Variants in NRXN3 observed in about 807,000 individuals in gnomAD.
NRXN3 encodes the protein neurexin III.
Under a neutral mutation model 137.6 loss-of-function variants are expected in NRXN3, and 32 were observed. That is an observed-to-expected ratio of 0.23 (90% CI 0.18 to 0.31). The LOEUF (loss-of-function observed/expected upper bound fraction) is 0.31. Among genes scored for constraint, NRXN3 ranks in the 10% least tolerant of loss-of-function variants. The probability of loss-of-function intolerance (pLI) is 1.00; values close to 1 mark genes in which losing one functional copy is unlikely to be tolerated. For missense variants in NRXN3, 1,574 were observed against 2,062.5 expected (o/e 0.76, Z 4.59); for synonymous variants, 798 against 784.5 (o/e 1.02, Z -0.29).
At chr14:79,069,881 G>A (rs987173386) in intron 15 of NRXN3, among the ~76,000 whole-genome samples, 3 of 152,118 alleles carry the variant, frequency 2.0e-5, no homozygotes, top group African/African-American at 7.2e-5. Context: ...TTCTGTACCT[G>A]TGTTTGGAGT....
intron 16 of NRXN3, among the ~76,000 whole-genome samples, chr14:79,567,238 A>C (rs1333369696): frequency 6.6e-6 from 1 of 151,990 alleles, no homozygotes; most frequent in Non-Finnish European, 1.5e-5. Context: ...CTTGTGTTCA[A>C]ATTGACATGA....
intron 10 of NRXN3, among the ~76,000 whole-genome samples, chr14:78,927,804 T>C (rs963030469): frequency 6.6e-6 from 1 of 152,146 alleles, no homozygotes; most frequent in African/African-American, 2.4e-5. Context: ...TGTGCATTTT[T>C]CCCCACACAG....
At chr14:79,654,648 TATC>T (rs1364664441) in intron 16 of NRXN3, among the ~76,000 whole-genome samples, 1 of 152,188 alleles carries the variant, frequency 6.6e-6, no homozygotes, top group East Asian at 1.9e-4. Context: ...ACCTCAAACA[TATC>T]ATAAAAAACT....
At chr14:79,074,733 G>A (rs1462164783) in intron 15 of NRXN3, 1 of 152,262 alleles carries the variant, frequency 6.6e-6, no homozygotes, top group Non-Finnish European at 1.5e-5. Context: ...ACTGAAACAG[G>A]GCTTCTCTTC....
Position 79,164,062 on chromosome 14 carries a change from A to C in NRXN3, c.3262+175921A>C, listed in dbSNP as rs556853578. Among the ~76,000 whole-genome samples, 17 of 152,024 alleles carry C rather than the reference A, an allele frequency of 1.1e-4. No homozygotes were observed. In the South Asian group the frequency reaches 3.5e-3, roughly 32 times the overall value. On this transcript the variant is annotated intron_variant, in intron 15 of 20. Transcript: ENST00000335750. ...CTTACTCTGACCTCACTAGCTCTTC[A>C]CTTACCAATTTGTTTCTCATCTTCT...
chr14:78,976,386 C>G (rs1402657973), intron 14 of NRXN3, among the ~76,000 whole-genome samples: 1 of 152,032 alleles, frequency 6.6e-6, no homozygotes, highest in African/African-American at 2.4e-5. Flanking sequence ...GATCTGGGTG[C>G]TAAGTGCTGG....
chr14:79,186,906 G>T (rs1046817521), intron 15 of NRXN3, among the ~76,000 whole-genome samples: 1 of 152,198 alleles, frequency 6.6e-6, no homozygotes, highest in Non-Finnish European at 1.5e-5. Flanking sequence ...CAGGGTGAAC[G>T]CAAAATGTGT....
At chr14:79,033,849 C>T (rs1159245603) in intron 15 of NRXN3, among the ~76,000 whole-genome samples, 2 of 152,052 alleles carry the variant, frequency 1.3e-5, no homozygotes, top group Non-Finnish European at 2.9e-5. Context: ...CTAGTTTCAG[C>T]CGGAGCTCTT....
intron 15 of NRXN3, among the ~76,000 whole-genome samples, chr14:79,253,435 C>T (rs540419575): frequency 6.6e-6 from 1 of 152,238 alleles, no homozygotes; most frequent in Non-Finnish European, 1.5e-5. Flanking sequence ...TCCTCTCTCA[C>T]CCAAAAACTT....
intron 4 of NRXN3, among the ~76,000 whole-genome samples, chr14:78,369,509 T>C (rs761458028): frequency 6.6e-6 from 1 of 152,336 alleles, no homozygotes; most frequent in Non-Finnish European, 1.5e-5. Context: ...TTTCTAATCA[T>C]GTTAATGAAC....
At chr14:78,728,268 A>G (rs1431768582) in intron 8 of NRXN3, among the ~76,000 whole-genome samples, 1 of 152,064 alleles carries the variant, frequency 6.6e-6, no homozygotes, top group Non-Finnish European at 1.5e-5. Context: ...CCCTTTATTT[A>G]TTGCAAATAA....
At chr14:79,708,368 T>C (rs1351130560) in intron 19 of NRXN3, among the ~76,000 whole-genome samples, 1 of 152,104 alleles carries the variant, frequency 6.6e-6, no homozygotes, top group Admixed American at 6.5e-5. Context: ...GATTTTGCCA[T>C]CCATGGGAGG....
At chr14:78,895,400 C>T (rs532476656) in intron 10 of NRXN3, among the ~76,000 whole-genome samples, 1 of 152,008 alleles carries the variant, frequency 6.6e-6, no homozygotes, top group African/African-American at 2.4e-5. Context: ...TCTGCATCTT[C>T]CTCACCTCTC....
chr14:79,513,704 C>G (rs141350700), intron 16 of NRXN3, among the ~76,000 whole-genome samples: 151 of 152,286 alleles, frequency 9.9e-4, no homozygotes, highest in Admixed American at 1.7e-3. Flanking sequence ...AGGAGCTAAT[C>G]AGAGCAAGGA....
chr14:78,844,664 T>C (rs983044502), intron 10 of NRXN3, among the ~76,000 whole-genome samples: 1 of 152,078 alleles, frequency 6.6e-6, no homozygotes, highest in Non-Finnish European at 1.5e-5. Flanking sequence ...AGGCATTCAA[T>C]AGATAGAACA....
intron 4 of NRXN3, among the ~76,000 whole-genome samples, chr14:78,527,582 T>C (rs1216074862): frequency 6.6e-6 from 1 of 152,218 alleles, no homozygotes; most frequent in South Asian, 2.1e-4. Flanking sequence ...CTTTTCTGTG[T>C]TATTTTTATG....
intron 15 of NRXN3, among the ~76,000 whole-genome samples, chr14:79,050,690 A>C (rs1304664540): frequency 6.6e-6 from 1 of 152,172 alleles, no homozygotes; most frequent in South Asian, 2.1e-4. Flanking sequence ...TTGAAATCCA[A>C]ATCAATGCAG....
chr14:79,209,073 G>A (rs898257945), intron 15 of NRXN3, among the ~76,000 whole-genome samples: 1 of 151,986 alleles, frequency 6.6e-6, no homozygotes, highest in Non-Finnish European at 1.5e-5. Context: ...CGAGTAGCTG[G>A]GACTATAGGC....
chr14:78,553,487 C>T (rs1181815336), intron 4 of NRXN3, among the ~76,000 whole-genome samples: 2 of 152,162 alleles, frequency 1.3e-5, no homozygotes, highest in East Asian at 1.9e-4. Flanking sequence ...GCTTTGTTCC[C>T]CCCTGCCAAT....
Sources: gnomAD v4.1 joint callset for allele counts (sites outside exome capture counted in the v4.1 genomes callset) on GRCh38, gnomAD v4.1.1 for gene constraint, MANE v1.5 for transcripts, NCBI Gene and HGNC (gene_info 2026-07-23, HGNC 2026-07-21) for gene names.